The following PRTG variants were observed in gnomAD, a reference collection of about 807,000 sequenced individuals.
The protein encoded by PRTG is protogenin, also known as immunoglobulin superfamily, DCC subclass, member 5.
Under a neutral mutation model 122.5 loss-of-function variants are expected in PRTG, and 67 were observed. The ratio of observed to expected loss-of-function variants is 0.55; its 90% CI spans 0.45 to 0.67. The LOEUF (loss-of-function observed/expected upper bound fraction) is 0.67. Among genes scored for constraint, PRTG ranks in the 30% least tolerant of loss-of-function variants. PRTG has a pLI of 0.00. For synonymous variants in PRTG, 554 were observed against 501.1 expected (o/e 1.11, Z -1.41); for missense variants, 1,435 against 1,415.4 (o/e 1.01, Z -0.22).
At position 55,645,480 on chromosome 15, in the gene PRTG, T is replaced by C. The variant is rs1018684768; in HGVS notation, c.2042-4272A>G. 4.0e-5 allele frequency among the ~76,000 whole-genome samples: 5 copies of C among 123,974 alleles called. No homozygotes were observed. The Admixed American group carries it at 4.1e-4, about 10-fold the overall frequency. The allele number at this position is 123,974 out of a possible 152,430, so 81.3% of individuals were successfully genotyped here. On this transcript the variant is annotated intron_variant, in intron 11 of 19. Transcript: ENST00000389286. ...GGAAGGAGGGACTAGAGCCCTCAAA[T>C]AGTGTTAAGATAAACATCACCAGGC...
intron 2 of PRTG, among the ~76,000 whole-genome samples, chr15:55,691,629 C>T (rs1405363511): frequency 1.3e-5 from 2 of 149,816 alleles, no homozygotes; most frequent in East Asian, 2.0e-4. Flanking sequence ...TGCAGTGAGC[C>T]GAGATCGTGC....
At chr15:55,626,146 T>C (rs1595601259) in intron 17 of PRTG, among the ~76,000 whole-genome samples, 1 of 152,158 alleles carries the variant, frequency 6.6e-6, no homozygotes, top group Admixed American at 6.5e-5. Context: ...CCGGGCGCGG[T>C]GGCTCACGCC....
rs2059121681 is a variant in PRTG at position 55,611,833 on chromosome 15, C to T, written c.*8179G>A. On this transcript the variant is annotated 3_prime_UTR_variant, in exon 20 of 20. Transcript: ENST00000389286. ...TGCTTTCTTCGTGCAATGGCATTCA[C>T]AGAACTGATCCCCTGAGTCAAGTAT... is the stretch of plus-strand genomic sequence containing the variant. 6.6e-6 allele frequency: 1 copy of T among 151,994 alleles called. No homozygotes were observed. Among genetic ancestry groups the T allele is most frequent in the African/African-American group, 2.4e-5 (1 of 41,394 alleles). 9.4% of individuals were successfully genotyped at this position (151,994 alleles called of 1,614,324 possible).
chr15:55,723,965 C>T (rs1229322006), intron 2 of PRTG, among the ~76,000 whole-genome samples: 1 of 152,038 alleles, frequency 6.6e-6, no homozygotes, highest in Non-Finnish European at 1.5e-5. Context: ...GTTGACCAGG[C>T]TGGTCTCGAA....
intron 2 of PRTG, among the ~76,000 whole-genome samples, chr15:55,697,476 T>C (rs1440764509): frequency 6.6e-6 from 1 of 152,188 alleles, no homozygotes; most frequent in Non-Finnish European, 1.5e-5. Flanking sequence ...TTGGCTGTTA[T>C]AACTCTACCG....
chr15:55,676,695 T>G (rs2059504904), intron 8 of PRTG, among the ~76,000 whole-genome samples: 2 of 152,142 alleles, frequency 1.3e-5, no homozygotes, highest in Admixed American at 1.3e-4. Flanking sequence ...CTTGTTCCAT[T>G]CCTGAATAGA....
chr15:55,699,561 T>C (rs778896563), intron 2 of PRTG, among the ~76,000 whole-genome samples: 8 of 152,136 alleles, frequency 5.3e-5, no homozygotes, highest in Non-Finnish European at 1.2e-4. Context: ...CAGTCCAAAT[T>C]CTCTTATATT....
intron 8 of PRTG, among the ~76,000 whole-genome samples, 198 bp downstream of exon 8, chr15:55,677,599 T>C (rs1040362441): frequency 5.3e-5 from 8 of 152,170 alleles, no homozygotes; most frequent in African/African-American, 1.9e-4. Context: ...AATCTTAAAC[T>C]ATACTTACAT....
chr15:55,668,272 G>GTGTCCTAGATTT (rs2059449498), intron 11 of PRTG, among the ~76,000 whole-genome samples: 1 of 152,136 alleles, frequency 6.6e-6, no homozygotes, highest in Non-Finnish European at 1.5e-5. Context: ...TTAAACAACA[G>GTGTCCTAGATTT]TATTACATAA....
intron 10 of PRTG, among the ~76,000 whole-genome samples, chr15:55,672,996 T>C (rs2059481550): frequency 6.6e-6 from 1 of 152,162 alleles, no homozygotes; most frequent in Admixed American, 6.5e-5. Context: ...TCCACGTTAG[T>C]AAAACAGAAG....
intron 11 of PRTG, among the ~76,000 whole-genome samples, chr15:55,664,570 T>C (rs1032118355): frequency 6.6e-6 from 1 of 152,228 alleles, no homozygotes; most frequent in Non-Finnish European, 1.5e-5. Flanking sequence ...AGTTCTAATC[T>C]AAATTTAGAA....
chr15:55,705,326 T>G (rs1488957762), intron 2 of PRTG, among the ~76,000 whole-genome samples: 1 of 152,176 alleles, frequency 6.6e-6, no homozygotes, highest in East Asian at 1.9e-4. Context: ...TCTCCAATTT[T>G]CTCTGCTTTA....
chr15:55,719,906 A>C lies in PRTG; in HGVS notation c.397+20476T>G, dbSNP rs77282536. On this transcript the variant is annotated intron_variant, in intron 2 of 19. Transcript: ENST00000389286. ...AAATCCCACCTCTACTAAAAACACAAAAAAAATTAGCCGGGCATGGTGGTG... is the reference window on the plus strand; with the variant it reads ...AAATCCCACCTCTACTAAAAACACACAAAAAATTAGCCGGGCATGGTGGTG... 9.1e-3 allele frequency among the ~76,000 whole-genome samples: 1,380 copies of C among 151,530 alleles called. 5 individuals carry two copies. The highest frequency in any genetic ancestry group is 0.014 in the Admixed American group (209 of 15,190).
chr15:55,690,740 A>AG (rs1282403992), intron 2 of PRTG, among the ~76,000 whole-genome samples: 1 of 152,222 alleles, frequency 6.6e-6, no homozygotes. Context: ...CAAATAACAG[A>AG]GGTTTGAAGC....
chr15:55,621,981 G>A (rs1421914110), intron 18 of PRTG, among the ~76,000 whole-genome samples: 3 of 152,072 alleles, frequency 2.0e-5, no homozygotes, highest in Non-Finnish European at 4.4e-5. Flanking sequence ...ACCCACATAT[G>A]ATCAACAAAA....
At chr15:55,689,436 G>A (rs1376114798) in intron 2 of PRTG, among the ~76,000 whole-genome samples, 1 of 152,062 alleles carries the variant, frequency 6.6e-6, no homozygotes, top group Non-Finnish European at 1.5e-5. Flanking sequence ...TTAGCTGGGT[G>A]TAGTCCCAAC....
At chr15:55,675,477 C>A (rs189245093) in intron 9 of PRTG, 42 bp downstream of exon 9, 674 of 1,384,086 alleles carry the variant, frequency 4.9e-4, no homozygotes, top group Non-Finnish European at 6.5e-4. Context: ...ACAAAACATA[C>A]GAATGTTCAT....
At chr15:55,730,375 T>A (rs1409655853) in intron 2 of PRTG, among the ~76,000 whole-genome samples, 4 of 152,030 alleles carry the variant, frequency 2.6e-5, no homozygotes, top group African/African-American at 9.7e-5. Context: ...GTGCTGGGAT[T>A]ACAGGCATGT....
In PRTG at chr15:55,708,148, T is replaced by TAAAAAAAAAAA. The variant is rs35216342; in HGVS notation, c.398-24228_398-24218dup. ...CCTGTGGAAAGGAGGAGTAAGCTGGTAAAAAAAAAAAAAAAAAAAAAAAAA... is the reference window on the plus strand; with the variant it reads ...CCTGTGGAAAGGAGGAGTAAGCTGGTAAAAAAAAAAAAAAAAAAAAAAAAAAAAAAAAAAAA... On this transcript the variant is annotated intron_variant, in intron 2 of 19. Transcript: ENST00000389286. Among the ~76,000 whole-genome samples, 84 of 70,004 alleles carry TAAAAAAAAAAA rather than the reference T, an allele frequency of 1.2e-3. 15 individuals carry two copies. Among genetic ancestry groups the TAAAAAAAAAAA allele is most frequent in the Non-Finnish European group, 1.7e-3 (59 of 34,538 alleles). 45.9% of individuals were successfully genotyped at this position (70,004 alleles called of 152,430 possible). A position where few individuals can be genotyped will look rare whatever the true frequency, so the allele number is the denominator to read the frequency against.
Sources: gnomAD v4.1 joint callset for allele counts (sites outside exome capture counted in the v4.1 genomes callset) on GRCh38, gnomAD v4.1.1 for gene constraint, MANE v1.5 for transcripts, NCBI Gene and HGNC (gene_info 2026-07-23, HGNC 2026-07-21) for gene names.